Variants in PLAA observed in about 807,000 individuals in gnomAD.
PLAA encodes the protein phospholipase A-2-activating protein.
In PLAA, 48 loss-of-function variants were observed where a neutral mutation model predicts 84.1. The ratio of observed to expected loss-of-function variants is 0.57; its 90% CI spans 0.45 to 0.73. The LOEUF is 0.73. Ranked by LOEUF, PLAA falls within the 30% of genes least tolerant of loss-of-function variation. The probability of loss-of-function intolerance (pLI) is 0.00; values close to 1 mark genes in which losing one functional copy is unlikely to be tolerated. For missense variants in PLAA, 903 were observed against 954.7 expected, an observed-to-expected ratio of 0.95 and a Z score of 0.71; for synonymous variants, 392 against 336.6, an observed-to-expected ratio of 1.16 and a Z score of -1.80.
chr9:26,937,114 C>T (rs984214016), intron 1 of PLAA, among the ~76,000 whole-genome samples: 1 of 151,980 alleles, frequency 6.6e-6, no homozygotes, highest in African/African-American at 2.4e-5. Flanking sequence ...GCACTCCAGC[C>T]TGGGGGGACA....
Position 26,947,140 on chromosome 9 carries a change from C to T in PLAA, c.-95G>A, listed in dbSNP as rs1299337221. The T allele has an allele frequency of 1.5e-6, 2 of 1,366,710 alleles. No individual in the cohort carries two copies. The highest frequency in any genetic ancestry group is 1.5e-5 in the African/African-American group (1 of 65,648). The allele number at this position is 1,366,710 out of a possible 1,614,324, so 84.7% of individuals were successfully genotyped here. On this transcript the variant is annotated 5_prime_UTR_variant, in exon 1 of 14. Transcript: ENST00000397292. ...GCGCCGGGCCGCGGCGGGAGAAGAG[C>T]CTGCAGGTAAGGGGCGGCCGGAGAC... is the stretch of plus-strand genomic sequence containing the variant.
At position 26,946,949 on chromosome 9, in the gene PLAA, C is replaced by A. The variant is rs1486675209; in HGVS notation, c.97G>T (p.Ala33Ser). ...CGGTCTCGGGACACGGACACAAAGG[C>A]TCCCGGCGGATAGGCGCAGCACACC... ...GLVCCAYPPG[A>S]FVSVSRDRTT... Residue 33 changes from alanine (A) to serine (S), a missense_variant, in exon 1 of 14, where the codon GCC becomes TCC. Physicochemically the swap from Ala to Ser is moderately conservative, Grantham distance 99. Transcript: ENST00000397292. 20 of 1,588,108 alleles carry A rather than the reference C, an allele frequency of 1.3e-5. 1 individual carries two copies. The South Asian group carries it at 1.6e-4, about 13-fold the overall frequency.
chr9:26,914,983 C>T (rs1003529605), intron 10 of PLAA, among the ~76,000 whole-genome samples: 2 of 152,216 alleles, frequency 1.3e-5, no homozygotes, highest in South Asian at 2.1e-4. Context: ...GAGGCTGAGG[C>T]GGGTGGATCA....
At position 26,905,872 on chromosome 9, in the gene PLAA, A is replaced by T; in HGVS notation, c.2027T>A (p.Met676Lys). The change falls in exon 14 of 14, where the codon ATG becomes AAG. Residue 676 changes from methionine to lysine, a missense_variant. Coordinates refer to ENST00000397292, the MANE Select transcript of PLAA (RefSeq NM_001031689.3). ...CFVGQAGQKLMMSQRESLMSH... is the reference protein window; with the variant it reads ...CFVGQAGQKLKMSQRESLMSH... ...CATCAGTGATTCCCTCTGGGACATC[A>T]TGAGTTTTTGTCCTGCCTGGCCAAC... 1 of 1,614,190 alleles carries T rather than the reference A, an allele frequency of 6.2e-7. No homozygotes were observed. The highest frequency in any genetic ancestry group is 8.5e-7 in the Non-Finnish European group (1 of 1,180,028).
intron 1 of PLAA, among the ~76,000 whole-genome samples, chr9:26,939,247 G>C (rs142591876): frequency 6.6e-6 from 1 of 151,902 alleles, no homozygotes; most frequent in African/African-American, 2.4e-5. Flanking sequence ...AATTAGCCAG[G>C]TGTGGTGGCA....
chr9:26,934,042 C>A (rs1825277081), intron 2 of PLAA, among the ~76,000 whole-genome samples: 1 of 152,114 alleles, frequency 6.6e-6, no homozygotes. Flanking sequence ...CTCCTTGCCT[C>A]TAGCAATCCT....
At position 26,916,229 on chromosome 9, in the gene PLAA, A is replaced by C. The variant is rs535341081; in HGVS notation, c.1486+868T>G. The C allele has an allele frequency of 1.2e-4, 118 of 984,870 alleles. 3 individuals carry two copies. In the South Asian group the frequency reaches 5.0e-3, roughly 42 times the overall value. 61.0% of individuals were successfully genotyped at this position (984,870 alleles called of 1,614,324 possible). The stretch of plus-strand genomic sequence containing the variant: ...CTGTAGGTTGTCATTTTTATAGCTC[A>C]CAGTACCAGTCTGCAAGGCCAGTGG... On this transcript the variant is annotated intron_variant, in intron 10 of 13. Transcript: ENST00000397292.
intron 13 of PLAA, among the ~76,000 whole-genome samples, chr9:26,906,423 CTT>C (rs35324777): frequency 0.12 from 11,562 of 94,620 alleles, 324 homozygotes; most frequent in Middle Eastern, 0.23. Context: ...AGGGAAAGTT[CTT>C]TTTTTTTTTT....
intron 1 of PLAA, among the ~76,000 whole-genome samples, chr9:26,938,554 TAAAAAAA>T (rs34448526): frequency 2.6e-5 from 3 of 114,638 alleles, no homozygotes; most frequent in Non-Finnish European, 5.4e-5. Flanking sequence ...CACCATTTCT[TAAAAAAA>T]AAAAAAAAAA....
intron 1 of PLAA, among the ~76,000 whole-genome samples, chr9:26,937,981 C>A (rs1825414081): frequency 1.3e-5 from 2 of 151,966 alleles, no homozygotes; most frequent in Admixed American, 1.3e-4. Flanking sequence ...GAGAGAATAT[C>A]TGAAGAAATA....
At chr9:26,933,680 T>C (rs1013706571) in intron 2 of PLAA, among the ~76,000 whole-genome samples, 2 of 148,368 alleles carry the variant, frequency 1.3e-5, no homozygotes, top group African/African-American at 5.0e-5. Context: ...TCCCAGCTAC[T>C]CGGCAGGCTG....
In PLAA at chr9:26,913,887, G is replaced by A; in HGVS notation, c.1547C>T (p.Pro516Leu). Residue 516 changes from proline (P) to leucine (L), a missense_variant, in exon 11 of 14, where the codon CCA (proline) becomes CTA (leucine). Physicochemically the swap from Pro to Leu is moderately conservative, Grantham distance 98. Transcript: ENST00000397292. ...AAATAAAAAGTATGTACCTGTAAATGGATCAACTCCGGCCATGGTAGTTCC... is the reference window on the plus strand; with the variant it reads ...AAATAAAAAGTATGTACCTGTAAATAGATCAACTCCGGCCATGGTAGTTCC... ...SMGTTMAGVD[P>L]FTGNSAYRSA... 1 of 1,607,780 alleles carries A rather than the reference G, an allele frequency of 6.2e-7. No homozygotes were observed.
intron 10 of PLAA, chr9:26,916,180 C>T: frequency 1.0e-6 from 1 of 983,858 alleles, no homozygotes. Flanking sequence ...GTATGTTTGT[C>T]CAATCTCTAT....
intron 13 of PLAA, among the ~76,000 whole-genome samples, chr9:26,906,803 G>A (rs1488523738): frequency 6.6e-6 from 1 of 152,000 alleles, no homozygotes; most frequent in Non-Finnish European, 1.5e-5. Context: ...TTATAATCAA[G>A]GGCCTGGGTA....
At chr9:26,907,771 T>C in intron 13 of PLAA, 63 bp downstream of exon 13, 3 of 1,349,516 alleles carry the variant, frequency 2.2e-6, no homozygotes, top group Non-Finnish European at 2.1e-6. Flanking sequence ...ACCAGTAATA[T>C]TGATAGAAAT....
chr9:26,938,418 A>G (rs562453897), intron 1 of PLAA, among the ~76,000 whole-genome samples: 1 of 152,258 alleles, frequency 6.6e-6, no homozygotes, highest in Admixed American at 6.5e-5. Context: ...TAGGTGTGAT[A>G]GTACACACCT....
In PLAA at chr9:26,925,890, T is replaced by A; in HGVS notation, c.804A>T (p.Arg268=). 6.2e-7 allele frequency: 1 copy of A among 1,613,742 alleles called. No individual in the cohort carries two copies. The highest frequency in any genetic ancestry group is 1.1e-5 in the South Asian group (1 of 91,062). The change falls in exon 6 of 14, where the codon CGA becomes CGT. Residue 268 remains arginine (R), a synonymous_variant. Transcript: ENST00000397292. ...AGCACCATATAGACTGAGCTGGAAG[T>A]CGGATAGTTTGAGCACATTCCCCAT... ...WKHGECAQTI[R]LPAQSIWCCC... is the part of the protein sequence containing the mutation.
intron 6 of PLAA, 126 bp from the exon 7 acceptor site, chr9:26,923,473 T>TTGCTGATTACAGCACTG: frequency 1.4e-6 from 1 of 708,686 alleles, no homozygotes; most frequent in Admixed American, 2.9e-5. Flanking sequence ...ATGTTATTAA[T>TTGCTGATTACAGCACTG]TGCTGATTAC....
chr9:26,916,361 T>C (rs764726981), intron 10 of PLAA: 222 of 986,946 alleles, frequency 2.2e-4, no homozygotes, highest in Non-Finnish European at 2.6e-4. Flanking sequence ...ATTCTGAAAA[T>C]AGAGACTTCT....
Sources: gnomAD v4.1 joint callset for allele counts (sites outside exome capture counted in the v4.1 genomes callset) on GRCh38, gnomAD v4.1.1 for gene constraint, MANE v1.5 for transcripts, NCBI Gene and HGNC (gene_info 2026-07-23, HGNC 2026-07-21) for gene names.